The following PLCE1 variants were observed in gnomAD, a reference collection of about 807,000 sequenced individuals.
PLCE1 encodes the protein 1-phosphatidylinositol 4,5-bisphosphate phosphodiesterase epsilon-1.
A neutral mutation model predicts 242.8 loss-of-function variants in PLCE1; 119 were observed. That is an observed-to-expected ratio of 0.49 (90% confidence interval 0.42 to 0.57). The LOEUF is 0.57. Among genes scored for constraint, PLCE1 ranks in the 20% least tolerant of loss-of-function variants. The pLI, the probability that PLCE1 is intolerant of heterozygous loss-of-function variation, is 0.00. For synonymous variants in PLCE1, 945 were observed against 1,017.4 expected, an observed-to-expected ratio of 0.93 and a Z score of 1.35; for missense variants, 2,441 against 2,788.8, an observed-to-expected ratio of 0.88 and a Z score of 2.81.
intron 4 of PLCE1, among the ~76,000 whole-genome samples, chr10:94,212,593 G>A (rs950395369): frequency 5.3e-5 from 8 of 152,130 alleles, no homozygotes; most frequent in African/African-American, 1.7e-4. Context: ...GTTTCACCCT[G>A]TTGGTCAGTC....
At chr10:94,039,371 T>A (rs2061723696) in intron 2 of PLCE1, among the ~76,000 whole-genome samples, 1 of 151,972 alleles carries the variant, frequency 6.6e-6, no homozygotes, top group Non-Finnish European at 1.5e-5. Flanking sequence ...AGGGTTCTAG[T>A]TTCTCCATAT....
chr10:94,155,178 A>T (rs1367117136), intron 3 of PLCE1, among the ~76,000 whole-genome samples: 1 of 152,148 alleles, frequency 6.6e-6, no homozygotes, highest in East Asian at 1.9e-4. Context: ...CAAAAATTTT[A>T]TCCAAATGCT....
chr10:94,237,064 G>A (rs2050349551), intron 7 of PLCE1, among the ~76,000 whole-genome samples: 1 of 152,226 alleles, frequency 6.6e-6, no homozygotes, highest in South Asian at 2.1e-4. Flanking sequence ...AAAGGAAAGA[G>A]GAAATCACAA....
At chr10:94,182,563 C>G (rs1436081090) in intron 4 of PLCE1, among the ~76,000 whole-genome samples, 3 of 152,052 alleles carry the variant, frequency 2.0e-5, no homozygotes, top group Admixed American at 6.5e-5. Context: ...AGCTACCATG[C>G]CTGGCCCCAT....
At chr10:94,187,670 G>T (rs547976030) in intron 4 of PLCE1, among the ~76,000 whole-genome samples, 1 of 152,216 alleles carries the variant, frequency 6.6e-6, no homozygotes, top group African/African-American at 2.4e-5. Flanking sequence ...GGACTCAGCC[G>T]CAGGTCAAAG....
In PLCE1 at chr10:94,031,526, C is replaced by T. The variant is rs368860250; in HGVS notation, c.480C>T (p.Ser160=). The T allele has an allele frequency of 4.2e-5, 68 of 1,612,346 alleles. No individual in the cohort carries two copies. Among genetic ancestry groups the T allele is most frequent in the Middle Eastern group, 1.6e-4 (1 of 6,078 alleles). ...TTCAACTGGAACTAGACAGACCTTCCATGGGCATTAGTCCTTTAGGAAATC... is the reference window on the plus strand; with the variant it reads ...TTCAACTGGAACTAGACAGACCTTCTATGGGCATTAGTCCTTTAGGAAATC... ...PGIQLELDRP[S]MGISPLGNQS... The change falls in exon 2 of 33, where the codon TCC becomes TCT. Residue 160 remains serine, a synonymous_variant. Transcript: ENST00000371380.
chr10:94,268,371 A>G (rs113659392), intron 16 of PLCE1, among the ~76,000 whole-genome samples: 10 of 152,370 alleles, frequency 6.6e-5, no homozygotes, highest in African/African-American at 2.4e-4. Context: ...CTGGAATTAG[A>G]TAGCCAGGCA....
intron 4 of PLCE1, among the ~76,000 whole-genome samples, chr10:94,183,830 G>T (rs968681911): frequency 7.2e-5 from 11 of 152,084 alleles, no homozygotes; most frequent in Non-Finnish European, 5.9e-5. Context: ...AGAAAAGGGG[G>T]ATGTCCCAGA....
In PLCE1 at chr10:94,031,994, A is replaced by G. The variant is rs756658279; in HGVS notation, c.948A>G (p.Lys316=). The change falls in exon 2 of 33, where the codon AAA becomes AAG. Residue 316 remains lysine (K), a synonymous_variant. Transcript: ENST00000371380. ...NCDDVEEDAF[K]SKKERSTLLV... ...ATGATGTAGAAGAAGACGCTTTTAA[A>G]AGCAAAAAGGAGCGATCCACTTTGT... The G allele has an allele frequency of 6.8e-6, 11 of 1,613,866 alleles. No individual in the cohort carries two copies. The highest frequency in any genetic ancestry group is 9.3e-6 in the Non-Finnish European group (11 of 1,179,848).
chr10:94,312,613 A>G (rs570158664), intron 27 of PLCE1, among the ~76,000 whole-genome samples: 105 of 152,274 alleles, frequency 6.9e-4, no homozygotes, highest in African/African-American at 2.3e-3. Context: ...GGAACTTAAA[A>G]TGCTCTTTAC....
chr10:94,145,603 C>T (rs1266268766), intron 3 of PLCE1, among the ~76,000 whole-genome samples: 6 of 152,134 alleles, frequency 3.9e-5, no homozygotes, highest in Admixed American at 1.3e-4. Context: ...TCCCTTGGCC[C>T]GTGGGCTGAC....
chr10:94,279,584 C>A (rs1166211329), intron 19 of PLCE1, 198 bp from the exon 20 acceptor site: 4 of 618,578 alleles, frequency 6.5e-6, no homozygotes, highest in African/African-American at 1.8e-5. Context: ...CAGGATTCTT[C>A]CTGTAGGAAT....
intron 4 of PLCE1, among the ~76,000 whole-genome samples, chr10:94,190,153 C>G (rs571371616): frequency 5.3e-5 from 8 of 152,198 alleles, no homozygotes; most frequent in African/African-American, 1.9e-4. Context: ...GGTAGTGCCC[C>G]CCTGTGATCC....
rs1253304969 is a variant in PLCE1 at position 94,163,540 on chromosome 10, C to T, written c.1493-7640C>T. Among the ~76,000 whole-genome samples, 4 of 152,142 alleles carry T rather than the reference C, an allele frequency of 2.6e-5. No homozygotes were observed. The East Asian group carries it at 7.7e-4, about 29-fold the overall frequency. ...CTTCCTCCATCCCTTTATTTTGAGC[C>T]TATGTGTGTCTCTGCACATGAGATG... On this transcript the variant is annotated intron_variant, in intron 3 of 32. Coordinates refer to ENST00000371380, the MANE Select transcript of PLCE1 (RefSeq NM_016341.4).
At chr10:94,263,513 CAA>C (rs780289280) in intron 14 of PLCE1, among the ~76,000 whole-genome samples, 28 of 76,800 alleles carry the variant, frequency 3.6e-4, no homozygotes, top group Non-Finnish European at 3.8e-4. Flanking sequence ...GACCCCATCT[CAA>C]AAAAAAAAAA....
rs2061077524 is a variant in PLCE1 at position 94,007,903 on chromosome 10, CAT to C, written c.-365+13646_-365+13647del. Among the ~76,000 whole-genome samples, 4 of 151,016 alleles carry C rather than the reference CAT, an allele frequency of 2.6e-5. No homozygotes were observed. The South Asian group carries it at 8.3e-4, about 31-fold the overall frequency. On this transcript the variant is annotated intron_variant, in intron 1 of 32. Coordinates refer to ENST00000371380, the MANE Select transcript of PLCE1 (RefSeq NM_016341.4). ...TTTTATTTTTAAGAATATGGCCAGG[CAT>C]GGTGGCTTATGCTTGTAATCCCAGC...
At chr10:94,279,488 CA>C (rs1209474508) in intron 19 of PLCE1, 23 of 433,668 alleles carry the variant, frequency 5.3e-5, no homozygotes, top group Non-Finnish European at 4.2e-5. Flanking sequence ...TCCAAATCAC[CA>C]AAGCTTTCTC....
chr10:94,145,340 A>C (rs926008507), intron 3 of PLCE1, among the ~76,000 whole-genome samples: 5 of 152,156 alleles, frequency 3.3e-5, no homozygotes, highest in African/African-American at 1.2e-4. Flanking sequence ...TGTGGTGTAG[A>C]CTACAAAGGG....
At chr10:94,182,072 T>C (rs1381442498) in intron 4 of PLCE1, among the ~76,000 whole-genome samples, 1 of 131,854 alleles carries the variant, frequency 7.6e-6, no homozygotes, top group East Asian at 2.2e-4. Context: ...AGGAGGAAAA[T>C]GTCTTCCTTC....
Sources: allele counts gnomAD v4.1 joint callset (sites outside exome capture counted in the v4.1 genomes callset), GRCh38; gene constraint gnomAD v4.1.1; transcripts MANE v1.5; gene names NCBI Gene and HGNC (gene_info 2026-07-23, HGNC 2026-07-21).